The following PHF24 variants were observed in gnomAD, a reference collection of about 807,000 sequenced individuals.
PHF24 encodes the protein PHD finger protein 24, also known as Galpha inhibitory interacting protein.
PHF24 carries 25 observed loss-of-function variants against 42.6 expected under a neutral mutation model. The ratio of observed to expected loss-of-function variants is 0.59; its 90% CI spans 0.43 to 0.82. PHF24 has a LOEUF of 0.82. Among genes scored for constraint, PHF24 ranks in the 40% least tolerant of loss-of-function variants. PHF24 has a pLI of 0.00. For missense variants in PHF24, 470 were observed against 538.1 expected (o/e 0.87, Z 1.25); for synonymous variants, 185 against 204.8 (o/e 0.90, Z 0.83).
At chr9:34,728,200 C>T in the PHF24 span, 10 of 869,056 alleles carry the variant, frequency 1.2e-5, no homozygotes, top group South Asian at 3.5e-5. Flanking sequence ...CTGAAAAGTC[C>T]GTACTCTAAG....
chr9:34,802,326 T>A, the PHF24 span, among the ~76,000 whole-genome samples: 1 of 152,170 alleles, frequency 6.6e-6, no homozygotes, highest in South Asian at 2.1e-4. Context: ...TAGAGTCTCA[T>A]CCTTCTGGCC....
intron 3 of PHF24, among the ~76,000 whole-genome samples, chr9:34,973,712 C>T (rs191303130): frequency 2.0e-5 from 3 of 152,324 alleles, no homozygotes; most frequent in African/African-American, 7.2e-5. Context: ...AAACACCTGT[C>T]CCCATGGAGT....
the PHF24 span, among the ~76,000 whole-genome samples, chr9:34,850,833 G>T: frequency 3.1e-3 from 479 of 152,336 alleles, no homozygotes; most frequent in African/African-American, 0.011. Context: ...ACCCTCAGCT[G>T]CAGGTCTGTT....
the PHF24 span, among the ~76,000 whole-genome samples, chr9:34,697,804 C>T: frequency 2.0e-5 from 3 of 152,302 alleles, no homozygotes; most frequent in Middle Eastern, 3.4e-3. Context: ...GAGGGGAACA[C>T]CAACTCTTTG....
At chr9:34,893,059 C>T in the PHF24 span, 2 of 960,374 alleles carry the variant, frequency 2.1e-6, no homozygotes, top group South Asian at 1.6e-5. Flanking sequence ...CCAGCAATTG[C>T]TTAATCTCCA....
chr9:34,809,190 C>T, the PHF24 span, among the ~76,000 whole-genome samples: 1 of 151,624 alleles, frequency 6.6e-6, no homozygotes, highest in South Asian at 2.1e-4. The surrounding 1 kb of genome is among the most constrained non-coding windows in gnomAD (Gnocchi z 4.1). Flanking sequence ...TTCTTTTTTA[C>T]GGTATAGAAA....
exon 8 of PHF24, chr9:34,978,483 A>G: frequency 4.6e-6 from 1 of 216,218 alleles, no homozygotes. Context: ...AGCCCCTGGT[A>G]TAGAGGAGGG....
At chr9:34,842,612 G>T in the PHF24 span, among the ~76,000 whole-genome samples, 1 of 152,252 alleles carries the variant, frequency 6.6e-6, no homozygotes, top group East Asian at 1.9e-4. Flanking sequence ...CAGCAACCAG[G>T]TTCCATCTTG....
chr9:34,726,599 A>T, the PHF24 span: 25 of 1,551,338 alleles, frequency 1.6e-5, no homozygotes, highest in Non-Finnish European at 2.1e-5. Context: ...TGGGCCCCGG[A>T]GCACATCTGG....
At chr9:34,768,325 C>T in the PHF24 span, among the ~76,000 whole-genome samples, 1 of 152,202 alleles carries the variant, frequency 6.6e-6, no homozygotes, top group Non-Finnish European at 1.5e-5. Flanking sequence ...ATATGGGCCT[C>T]AGCAAGACCA....
chr9:34,669,275 T>C, the PHF24 span, among the ~76,000 whole-genome samples: 6 of 152,110 alleles, frequency 3.9e-5, no homozygotes, highest in Admixed American at 3.9e-4. Context: ...TCAGATACTT[T>C]TGGATTCACA....
chr9:34,726,623 T>C, the PHF24 span: 1 of 1,551,834 alleles, frequency 6.4e-7, no homozygotes, highest in Non-Finnish European at 8.7e-7. Flanking sequence ...TTGAAATTCC[T>C]GCCCTAGCTG....
At chr9:34,806,650 G>C in the PHF24 span, among the ~76,000 whole-genome samples, 1 of 152,096 alleles carries the variant, frequency 6.6e-6, no homozygotes, top group Non-Finnish European at 1.5e-5. Flanking sequence ...GTAGAGACAG[G>C]GTTTCACCAT....
At chr9:34,815,975 A>C in the PHF24 span, among the ~76,000 whole-genome samples, 1 of 152,336 alleles carries the variant, frequency 6.6e-6, no homozygotes, top group Middle Eastern at 3.4e-3. Context: ...GCAGATAGCT[A>C]AGATGTTGAG....
At chr9:34,941,034 C>T in the PHF24 span, among the ~76,000 whole-genome samples, 1 of 152,122 alleles carries the variant, frequency 6.6e-6, no homozygotes, top group Non-Finnish European at 1.5e-5. Flanking sequence ...TCCAATTTTG[C>T]AGAGCTCAGA....
intron 1 of PHF24, among the ~76,000 whole-genome samples, chr9:34,967,383 T>C (rs1200257064): frequency 1.3e-5 from 2 of 152,326 alleles, no homozygotes; most frequent in East Asian, 1.9e-4. Flanking sequence ...AAAAGTATGA[T>C]TGTTCCACAA....
chr9:34,833,573 G>A, the PHF24 span: 1 of 1,551,130 alleles, frequency 6.4e-7, no homozygotes, highest in Non-Finnish European at 8.7e-7. Flanking sequence ...GGACTTCCTT[G>A]CCCTAATGGG....
the PHF24 span, among the ~76,000 whole-genome samples, chr9:34,667,361 A>T: frequency 6.6e-6 from 1 of 152,164 alleles, no homozygotes; most frequent in Admixed American, 6.5e-5. Context: ...TCTGAGCCAC[A>T]TACAGAGAGC....
At chr9:34,890,316 C>T in the PHF24 span, among the ~76,000 whole-genome samples, 1 of 152,192 alleles carries the variant, frequency 6.6e-6, no homozygotes, top group African/African-American at 2.4e-5. Flanking sequence ...CATCAAATGT[C>T]ACTGGGTCAA....
Sources: gnomAD v4.1 joint callset for allele counts (sites outside exome capture counted in the v4.1 genomes callset) on GRCh38, gnomAD v4.1.1 for gene constraint, Gnocchi (gnomAD v3.1) non-coding constraint, MANE v1.5 for transcripts, NCBI Gene and HGNC (gene_info 2026-07-23, HGNC 2026-07-21) for gene names.